CTNNA3: variants seen among roughly 807,000 people sequenced by gnomAD.
CTNNA3 encodes the protein catenin alpha-3.
CTNNA3 carries 76 observed loss-of-function variants against 95.7 expected under a neutral mutation model. The ratio of observed to expected loss-of-function variants is 0.79; its 90% CI spans 0.66 to 0.96. The LOEUF is 0.96. CTNNA3 is among the 40% of genes least tolerant of loss of function. CTNNA3 has a pLI of 0.00. For synonymous variants in CTNNA3, 431 were observed against 374.4 expected (o/e 1.15, Z -1.74); for missense variants, 1,191 against 1,089.8 (o/e 1.09, Z -1.31).
chr10:65,936,859 C>T (rs186121636), intron 17 of CTNNA3, among the ~76,000 whole-genome samples: 144 of 151,866 alleles, frequency 9.5e-4, no homozygotes, highest in Middle Eastern at 6.8e-3. Flanking sequence ...ATAAATTATA[C>T]GGTTATATAT....
intron 9 of CTNNA3, among the ~76,000 whole-genome samples, chr10:66,652,726 T>C (rs1845953426): frequency 6.6e-6 from 1 of 152,118 alleles, no homozygotes; most frequent in African/African-American, 2.4e-5. Context: ...TGAACATAGA[T>C]ACAAATATCC....
At chr10:67,370,399 T>C (rs1445063812) in intron 5 of CTNNA3, among the ~76,000 whole-genome samples, 2 of 152,192 alleles carry the variant, frequency 1.3e-5, no homozygotes, top group African/African-American at 4.8e-5. Context: ...TTACCATGTA[T>C]TTTATTTCTA....
At chr10:67,547,225 C>A (rs530114292) in intron 3 of CTNNA3, among the ~76,000 whole-genome samples, 12 of 152,124 alleles carry the variant, frequency 7.9e-5, no homozygotes, top group African/African-American at 2.7e-4. Flanking sequence ...CCAAAAAATA[C>A]AAGTATAATA....
chr10:67,630,842 T>C (rs1187759878), intron 2 of CTNNA3, among the ~76,000 whole-genome samples: 1 of 152,106 alleles, frequency 6.6e-6, no homozygotes, highest in Non-Finnish European at 1.5e-5. Context: ...TTATAAAGAG[T>C]TTGTTATTAC....
intron 10 of CTNNA3, among the ~76,000 whole-genome samples, chr10:66,531,734 T>A (rs1841472891): frequency 6.6e-6 from 1 of 152,120 alleles, no homozygotes; most frequent in African/African-American, 2.4e-5. Context: ...CTACACACAA[T>A]TTTTTAGGGT....
At chr10:67,616,289 G>A (rs1314418117) in intron 2 of CTNNA3, among the ~76,000 whole-genome samples, 1 of 152,174 alleles carries the variant, frequency 6.6e-6, no homozygotes, top group African/African-American at 2.4e-5. Flanking sequence ...GGAAGTTACT[G>A]AAGTGCTTGA....
At chr10:66,757,691 A>G (rs540450341) in intron 9 of CTNNA3, among the ~76,000 whole-genome samples, 1 of 152,312 alleles carries the variant, frequency 6.6e-6, no homozygotes, top group African/African-American at 2.4e-5. Flanking sequence ...TCTCTTGTCC[A>G]AAAGCGTTCA....
intron 12 of CTNNA3, among the ~76,000 whole-genome samples, chr10:66,353,149 T>C (rs145810705): frequency 3.9e-5 from 6 of 152,260 alleles, no homozygotes; most frequent in African/African-American, 9.6e-5. Context: ...TATAATATAC[T>C]CTGAAAACTT....
chr10:66,070,658 T>C (rs2080416294), intron 14 of CTNNA3, among the ~76,000 whole-genome samples: 1 of 152,144 alleles, frequency 6.6e-6, no homozygotes, highest in South Asian at 2.1e-4. Context: ...CCAAGTTCAG[T>C]TACTTGGAAT....
intron 1 of CTNNA3, among the ~76,000 whole-genome samples, chr10:67,667,251 T>C (rs1330448435): frequency 6.6e-6 from 1 of 152,122 alleles, no homozygotes; most frequent in Non-Finnish European, 1.5e-5. Flanking sequence ...AATTTATAGG[T>C]TCTTTATTTC....
chr10:67,363,906 T>G (rs1311778454), intron 5 of CTNNA3, among the ~76,000 whole-genome samples: 1 of 150,752 alleles, frequency 6.6e-6, no homozygotes, highest in African/African-American at 2.4e-5. Context: ...CAAAGAAGAG[T>G]TGGTACCATT....
At chr10:66,337,192 A>G (rs2092406771) in intron 12 of CTNNA3, among the ~76,000 whole-genome samples, 1 of 152,144 alleles carries the variant, frequency 6.6e-6, no homozygotes, top group African/African-American at 2.4e-5. Context: ...TTTAAAAAAT[A>G]TGTCAGTTTT....
At chr10:67,585,636 C>T (rs140372258) in intron 3 of CTNNA3, among the ~76,000 whole-genome samples, 3 of 152,096 alleles carry the variant, frequency 2.0e-5, no homozygotes, top group African/African-American at 4.8e-5. Context: ...TATTTATAAT[C>T]GTCTCTGATG....
At chr10:67,529,935 G>T (rs894275854) in intron 4 of CTNNA3, among the ~76,000 whole-genome samples, 1 of 151,904 alleles carries the variant, frequency 6.6e-6, no homozygotes, top group Non-Finnish European at 1.5e-5. Flanking sequence ...CACTGTTCTC[G>T]TGATAGTGAA....
intron 14 of CTNNA3, among the ~76,000 whole-genome samples, chr10:66,097,459 T>C (rs543582048): frequency 5.8e-4 from 89 of 152,250 alleles, no homozygotes; most frequent in African/African-American, 1.9e-3. Context: ...AAAACACCTA[T>C]AAAATAGATA....
chr10:66,854,622 C>G (rs1266977577), intron 7 of CTNNA3, among the ~76,000 whole-genome samples: 1 of 151,734 alleles, frequency 6.6e-6, no homozygotes, highest in African/African-American at 2.4e-5. Flanking sequence ...TTGAGCTGTA[C>G]CTTAAAAAAT....
At chr10:66,254,773 T>C (rs530234770) in intron 13 of CTNNA3, among the ~76,000 whole-genome samples, 29 of 152,326 alleles carry the variant, frequency 1.9e-4, no homozygotes, top group African/African-American at 6.3e-4. Flanking sequence ...CAATGATCTT[T>C]GGCTGAGGCC....
At chr10:66,052,285 T>C (rs1296118552) in intron 15 of CTNNA3, among the ~76,000 whole-genome samples, 1 of 152,174 alleles carries the variant, frequency 6.6e-6, no homozygotes, top group Non-Finnish European at 1.5e-5. Context: ...CTAATGAGCC[T>C]GTAACAGCCA....
At chr10:66,880,025 T>C (rs1363260355) in intron 7 of CTNNA3, among the ~76,000 whole-genome samples, 1 of 152,046 alleles carries the variant, frequency 6.6e-6, no homozygotes, top group African/African-American at 2.4e-5. Context: ...TTAAAGAAGA[T>C]TGTTCTGGCA....
Sources: allele counts gnomAD v4.1 joint callset (sites outside exome capture counted in the v4.1 genomes callset), GRCh38; gene constraint gnomAD v4.1.1; transcripts MANE v1.5; gene names NCBI Gene and HGNC (gene_info 2026-07-23, HGNC 2026-07-21).